Variants in TRIM13 observed in about 807,000 individuals in gnomAD.
TRIM13 encodes the protein E3 ubiquitin-protein ligase TRIM13.
TRIM13 carries 15 observed loss-of-function variants against 27.1 expected under a neutral mutation model. The ratio of observed to expected loss-of-function variants is 0.55; its 90% confidence interval spans 0.37 to 0.85. The LOEUF (loss-of-function observed/expected upper bound fraction) is 0.85. Among genes scored for constraint, TRIM13 ranks in the 40% least tolerant of loss-of-function variants. The pLI is 0.00. For synonymous variants in TRIM13, 193 were observed against 171.5 expected (o/e 1.13, Z -0.98); for missense variants, 402 against 472.2 (o/e 0.85, Z 1.38).
chr13:50,005,743 T>G (rs1407681882), intron 1 of TRIM13, among the ~76,000 whole-genome samples: 5 of 150,458 alleles, frequency 3.3e-5, no homozygotes, highest in East Asian at 3.9e-4. Flanking sequence ...ATATTTAGTT[T>G]TTTTTTTTTT....
At chr13:50,007,007 CCT>C (rs1470821228) in intron 1 of TRIM13, among the ~76,000 whole-genome samples, 2 of 151,412 alleles carry the variant, frequency 1.3e-5, no homozygotes, top group East Asian at 3.9e-4. Flanking sequence ...ATGGTGAAAC[CCT>C]GTCTCCAGCA....
At chr13:50,002,990 G>A (rs1874235950) in intron 1 of TRIM13, among the ~76,000 whole-genome samples, 1 of 152,126 alleles carries the variant, frequency 6.6e-6, no homozygotes, top group Non-Finnish European at 1.5e-5. Flanking sequence ...GTATAGTAAG[G>A]TGCAGTGGCT....
intron 1 of TRIM13, among the ~76,000 whole-genome samples, chr13:50,008,769 G>A (rs779238678): frequency 5.9e-5 from 9 of 151,978 alleles, no homozygotes; most frequent in Middle Eastern, 6.8e-3. Context: ...TAATCTCAGT[G>A]TTTTGGCAGT....
At chr13:50,008,044 A>ACC (rs1566437450) in intron 1 of TRIM13, among the ~76,000 whole-genome samples, 1 of 151,474 alleles carries the variant, frequency 6.6e-6, no homozygotes, top group Non-Finnish European at 1.5e-5. Flanking sequence ...AGCTGGAACT[A>ACC]CAGGTGCCTG....
chr13:50,015,097 ATATATAT>A lies in TRIM13; in HGVS notation c.*1934_*1940del, dbSNP rs1876323508. ...TAATAAAAAAAAAAAAAAAAAAAAT[ATATATAT>A]ATATATATATATATATATATATATA... On this transcript the variant is annotated 3_prime_UTR_variant, in exon 2 of 2. Coordinates refer to ENST00000378182, the MANE Select transcript of TRIM13 (RefSeq NM_213590.3). 2.1e-3 allele frequency: 7 copies of A among 3,414 alleles called. 1 individual carries two copies. Among genetic ancestry groups the A allele is most frequent in the African/African-American group, 4.4e-3 (7 of 1,576 alleles). 0.2% of individuals were successfully genotyped at this position (3,414 alleles called of 1,614,324 possible).
At position 50,016,085 on chromosome 13, in the gene TRIM13, T is replaced by G. The variant is rs1220751179; in HGVS notation, c.*2921T>G. 5.6e-6 allele frequency: 9 copies of G among 1,596,348 alleles called. No individual in the cohort carries two copies. Among genetic ancestry groups the G allele is most frequent in the Non-Finnish European group, 7.7e-6 (9 of 1,164,796 alleles). ...AACTGGAGTCAGGTATTTTGTACTT[T>G]GCAGTATTTCTCTTGTATACCAGTT... On this transcript the variant is annotated 3_prime_UTR_variant, in exon 2 of 2. Transcript: ENST00000378182.
intron 1 of TRIM13, 140 bp downstream of exon 1, chr13:49,997,903 A>G (rs557041625): frequency 6.6e-6 from 1 of 152,162 alleles, no homozygotes; most frequent in African/African-American, 2.4e-5. Context: ...TGTTCTTTGC[A>G]TATTTTGTTA....
chr13:50,015,095 ATATATATATATATATATATATATATAT>A lies in TRIM13; in HGVS notation c.*1932_*1958del, dbSNP rs1876312288. On this transcript the variant is annotated 3_prime_UTR_variant, in exon 2 of 2. Coordinates refer to ENST00000378182, the MANE Select transcript of TRIM13 (RefSeq NM_213590.3). ...AGTAATAAAAAAAAAAAAAAAAAAA[ATATATATATATATATATATATATATAT>A]ATATATATATATATATATATATATA... 2 of 16,704 alleles carry A rather than the reference ATATATATATATATATATATATATATAT, an allele frequency of 1.2e-4. No individual in the cohort carries two copies. The highest frequency in any genetic ancestry group is 6.5e-4 in the African/African-American group (2 of 3,094). 1.0% of individuals were successfully genotyped at this position (16,704 alleles called of 1,614,324 possible).
chr13:50,009,520 T>C (rs1193799686), intron 1 of TRIM13, among the ~76,000 whole-genome samples: 1 of 151,984 alleles, frequency 6.6e-6, no homozygotes, highest in Non-Finnish European at 1.5e-5. Context: ...ATGGATCACC[T>C]GAGGTCAGGA....
chr13:50,009,363 T>G (rs1875247072), intron 1 of TRIM13, among the ~76,000 whole-genome samples: 1 of 152,048 alleles, frequency 6.6e-6, no homozygotes, highest in Admixed American at 6.6e-5. Flanking sequence ...ATTCCAGCAC[T>G]TTGGGAGGTG....
intron 1 of TRIM13, among the ~76,000 whole-genome samples, chr13:50,010,400 C>T (rs1027760717): frequency 2.0e-5 from 3 of 152,154 alleles, no homozygotes; most frequent in Non-Finnish European, 2.9e-5. Flanking sequence ...GTGCTAGTTT[C>T]TTTGTTGGAG....
chr13:50,013,483 G>T lies in TRIM13; in HGVS notation c.*319G>T. ...TATTGATGGAAGTATAGGTAGTATA[G>T]TAGTGATTGTTCTTCAAGCATGCAG... On this transcript the variant is annotated 3_prime_UTR_variant, in exon 2 of 2. Coordinates refer to ENST00000378182, the MANE Select transcript of TRIM13 (RefSeq NM_213590.3). 1 of 181,282 alleles carries T rather than the reference G, an allele frequency of 5.5e-6. No individual in the cohort carries two copies. 11.2% of individuals were successfully genotyped at this position (181,282 alleles called of 1,614,324 possible). A position where few individuals can be genotyped will look rare whatever the true frequency, so the allele number is the denominator to read the frequency against.
chr13:50,017,344 C>T lies in TRIM13; in HGVS notation c.*4180C>T, dbSNP rs2803836. 24 of 167,078 alleles carry T rather than the reference C, an allele frequency of 1.4e-4. No individual in the cohort carries two copies. The highest frequency in any genetic ancestry group is 5.8e-4 in the African/African-American group (24 of 41,542). The allele number at this position is 167,078 out of a possible 1,614,324, so 10.3% of individuals were successfully genotyped here. A position where few individuals can be genotyped will look rare whatever the true frequency, so the allele number is the denominator to read the frequency against. On this transcript the variant is annotated 3_prime_UTR_variant, in exon 2 of 2. Coordinates refer to ENST00000378182, the MANE Select transcript of TRIM13 (RefSeq NM_213590.3). ...GTCAAAAGAAGATGTCCTGGAAATA[C>T]GAAGTACTCTTTAAAAACCATGCAT...
rs537423171 is a variant in TRIM13 at position 50,018,300 on chromosome 13, T to C, written c.*5136T>C. 6.0e-6 allele frequency: 1 copy of C among 167,026 alleles called. No individual in the cohort carries two copies. The highest frequency in any genetic ancestry group is 6.5e-5 in the Admixed American group (1 of 15,306). 10.3% of individuals were successfully genotyped at this position (167,026 alleles called of 1,614,324 possible). On this transcript the variant is annotated 3_prime_UTR_variant, in exon 2 of 2. Coordinates refer to ENST00000378182, the MANE Select transcript of TRIM13 (RefSeq NM_213590.3). ...TTTGTTACAATCTACTATCTGTATATACTATTTGTATCTTAATTCTTTTAT... is the reference window on the plus strand; with the variant it reads ...TTTGTTACAATCTACTATCTGTATACACTATTTGTATCTTAATTCTTTTAT...
At chr13:50,009,334 G>A (rs529723225) in intron 1 of TRIM13, among the ~76,000 whole-genome samples, 3 of 152,300 alleles carry the variant, frequency 2.0e-5, no homozygotes, top group African/African-American at 4.8e-5. Context: ...AAGGCTGGGT[G>A]TGGTGGCTCA....
intron 1 of TRIM13, 64 bp downstream of exon 1, chr13:49,997,827 A>G (rs749272968): frequency 2.6e-5 from 4 of 151,924 alleles, no homozygotes; most frequent in Non-Finnish European, 5.9e-5. Context: ...AATAGGCCCT[A>G]GAACCTTCCA....
chr13:50,005,081 GA>G (rs565306692), intron 1 of TRIM13, among the ~76,000 whole-genome samples: 4 of 149,362 alleles, frequency 2.7e-5, no homozygotes, highest in Non-Finnish European at 5.9e-5. Context: ...CCTCTCAAAA[GA>G]AAAAAAAACA....
chr13:50,005,684 AAG>A (rs991401926), intron 1 of TRIM13, among the ~76,000 whole-genome samples: 2 of 151,882 alleles, frequency 1.3e-5, no homozygotes, highest in Admixed American at 6.6e-5. Flanking sequence ...CTAAAAAAAA[AAG>A]AGAGAAGGCA....
chr13:50,017,365 T>C lies in TRIM13; in HGVS notation c.*4201T>C, dbSNP rs1228722568. The C allele has an allele frequency of 1.2e-5, 2 of 167,078 alleles. No homozygotes were observed. Among genetic ancestry groups the C allele is most frequent in the Admixed American group, 6.5e-5 (1 of 15,286 alleles). 10.3% of individuals were successfully genotyped at this position (167,078 alleles called of 1,614,324 possible). On this transcript the variant is annotated 3_prime_UTR_variant, in exon 2 of 2. Transcript: ENST00000378182. ...AATACGAAGTACTCTTTAAAAACCA[T>C]GCATTTGGAGAAAGTAATTGTTTCC...
Sources: allele counts gnomAD v4.1 joint callset (sites outside exome capture counted in the v4.1 genomes callset), GRCh38; gene constraint gnomAD v4.1.1; transcripts MANE v1.5; gene names NCBI Gene and HGNC (gene_info 2026-07-23, HGNC 2026-07-21).